Variants in MYO15B observed in about 807,000 individuals in gnomAD.
MYO15B encodes myosin XVB.
In MYO15B, 207 loss-of-function variants were observed where a neutral mutation model predicts 119.3. The ratio of observed to expected loss-of-function variants is 1.73; its 90% CI spans 1.55 to 1.95. The LOEUF (loss-of-function observed/expected upper bound fraction) is 1.95. Among genes scored for constraint, MYO15B ranks in the 30% most tolerant of loss-of-function variants. The probability of loss-of-function intolerance (pLI) is 0.00; values close to 1 mark genes in which losing one functional copy is unlikely to be tolerated. For missense variants in MYO15B, 2,264 were observed against 1,203.1 expected (o/e 1.88, Z -13.04); for synonymous variants, 966 against 498.9 (o/e 1.94, Z -12.48).
chr17:75,597,529 C>T (rs1441800284), intron 14 of MYO15B, among the ~76,000 whole-genome samples: 2 of 152,246 alleles, frequency 1.3e-5, no homozygotes, highest in African/African-American at 4.8e-5. Context: ...GAATGAATAA[C>T]TGTGCCAGGA....
intron 28 of MYO15B, 24 bp downstream of exon 28, chr17:75,613,495 C>A (rs992441624): frequency 9.0e-6 from 6 of 666,342 alleles, no homozygotes; most frequent in Non-Finnish European, 1.6e-5. Flanking sequence ...CTGGCTGAGG[C>A]CTCCCAGGCC....
chr17:75,600,315 C>A (rs2057175314), intron 14 of MYO15B, among the ~76,000 whole-genome samples: 1 of 151,926 alleles, frequency 6.6e-6, no homozygotes, highest in African/African-American at 2.4e-5. Flanking sequence ...GCGTGAGCCA[C>A]CGCGTCCGGC....
At position 75,620,372 on chromosome 17, in the gene MYO15B, C is replaced by T. The variant is rs750094129; in HGVS notation, c.7555+15C>T. 5.3e-5 allele frequency: 37 copies of T among 702,710 alleles called. No individual in the cohort carries two copies. Among genetic ancestry groups the T allele is most frequent in the Non-Finnish European group, 3.6e-5 (14 of 384,990 alleles). The allele number at this position is 702,710 out of a possible 1,614,324, so 43.5% of individuals were successfully genotyped here. A position where few individuals can be genotyped will look rare whatever the true frequency, so the allele number is the denominator to read the frequency against. On this transcript the variant is annotated intron_variant, in intron 48 of 63. Coordinates refer to ENST00000645453, the Ensembl canonical transcript of MYO15B. The stretch of plus-strand genomic sequence containing the variant: ...CCTGGAGCCAGGTATCGCCAGAGGC[C>T]GGCAGGGGCTCACACAGGGAGGGCA...
At chr17:75,612,999 C>T (rs2058123763) in exon 27 of MYO15B, 1 of 693,540 alleles carries the variant, frequency 1.4e-6, no homozygotes, top group East Asian at 2.7e-5. Flanking sequence ...GGGGACGGAT[C>T]CCTGGAGTCC....
intron 41 of MYO15B, 89 bp from the exon 42 acceptor site, chr17:75,617,721 C>T (rs1244794767): frequency 8.0e-6 from 5 of 625,654 alleles, no homozygotes; most frequent in South Asian, 5.4e-5. Flanking sequence ...TTGGAAGGCT[C>T]GTGGGGATGA....
chr17:75,620,777 C>T (rs2058663445), intron 49 of MYO15B, 141 bp downstream of exon 49: 1 of 701,366 alleles, frequency 1.4e-6, no homozygotes, highest in Admixed American at 2.0e-5. Context: ...CTGCCCGCTC[C>T]TGATGGCTCG....
exon 64 of MYO15B, chr17:75,626,703 G>C: frequency 1.7e-6 from 1 of 577,864 alleles, no homozygotes; most frequent in South Asian, 2.1e-5. Context: ...GGCCAAAGCG[G>C]GCTGCAGGAA....
chr17:75,614,871 A>C (rs1484452056), intron 32 of MYO15B, 22 bp downstream of exon 32: 8 of 702,738 alleles, frequency 1.1e-5, no homozygotes, highest in Non-Finnish European at 2.1e-5. Context: ...ACAGCCCCCA[A>C]ATGCCCCTGC....
At chr17:75,621,644 C>T in intron 52 of MYO15B, 74 bp downstream of exon 52, 2 of 673,166 alleles carry the variant, frequency 3.0e-6, no homozygotes, top group East Asian at 2.7e-5. Flanking sequence ...CCCTTATCTC[C>T]TTGAGCTCTG....
At chr17:75,606,157 G>A (rs2057633743) in intron 21 of MYO15B, 136 bp downstream of exon 21, 2 of 578,212 alleles carry the variant, frequency 3.5e-6, no homozygotes, top group Admixed American at 5.9e-5. Context: ...TCATCGGCAT[G>A]TGACTCTCCT....
exon 10 of MYO15B, chr17:75,594,511 G>T (rs1202103098): frequency 4.9e-6 from 3 of 615,866 alleles, no homozygotes; most frequent in African/African-American, 3.7e-5. Context: ...GTCTAGCTGG[G>T]CTGAGATCCA....
chr17:75,621,788 G>A (rs2058727075), intron 52 of MYO15B: 4 of 604,810 alleles, frequency 6.6e-6, no homozygotes, highest in South Asian at 5.8e-5. Flanking sequence ...CAGTCCATGG[G>A]TCCAGAGGAT....
In MYO15B at chr17:75,616,195, C is replaced by T. The variant is rs557050403; in HGVS notation, c.6109+48C>T. 396 of 572,276 alleles carry T rather than the reference C, an allele frequency of 6.9e-4. 1 individual carries two copies. Among genetic ancestry groups the T allele is most frequent in the Admixed American group, 1.7e-3 (49 of 29,328 alleles). The allele number at this position is 572,276 out of a possible 1,614,324, so 35.4% of individuals were successfully genotyped here. On this transcript the variant is annotated intron_variant, in intron 37 of 63. Coordinates refer to ENST00000645453, the Ensembl canonical transcript of MYO15B. ...GACCGTGCAGAAACATGGCCAGTGC[C>T]CCTGGCCCGGGCCAGGGAGGGTGGG...
chr17:75,618,852 A>G (rs1320388179), intron 43 of MYO15B, among the ~76,000 whole-genome samples: 1 of 152,274 alleles, frequency 6.6e-6, no homozygotes, highest in African/African-American at 2.4e-5. Flanking sequence ...GCCCCGAACA[A>G]TCTTGTATCT....
chr17:75,590,845 G>C, intron 2 of MYO15B, 62 bp from the exon 3 acceptor site: 1 of 281,938 alleles, frequency 3.5e-6, no homozygotes, highest in Non-Finnish European at 6.8e-6. Context: ...TGAGGGGCTG[G>C]GCTCTGTTTG....
intron 12 of MYO15B, among the ~76,000 whole-genome samples, chr17:75,595,289 C>T (rs1467810054): frequency 2.0e-5 from 3 of 152,200 alleles, no homozygotes; most frequent in Admixed American, 1.3e-4. Context: ...CACGTTCATC[C>T]AAGCATGGTC....
chr17:75,618,064 A>G, intron 42 of MYO15B, 62 bp from the exon 43 acceptor site: 1 of 698,680 alleles, frequency 1.4e-6, no homozygotes, highest in Non-Finnish European at 2.6e-6. Context: ...CTGGGAGGGC[A>G]GAGGCTTGCT....
chr17:75,616,830 G>T (rs572989087), intron 39 of MYO15B, 44 bp from the exon 40 acceptor site: 3 of 703,078 alleles, frequency 4.3e-6, no homozygotes, highest in African/African-American at 3.5e-5. Context: ...CGCTCCTCGG[G>T]GAATCACCCT....
rs150919454 is a variant in MYO15B at position 75,614,841 on chromosome 17, G to A, written c.5551G>A (p.Gly1851Ser). The A allele has an allele frequency of 3.6e-4, 253 of 702,800 alleles. 1 individual carries two copies. The highest frequency in any genetic ancestry group is 2.6e-3 in the African/African-American group (147 of 57,386). 43.5% of individuals were successfully genotyped at this position (702,800 alleles called of 1,614,324 possible). ...GATCTTCCAGCCAGTGATATCCTCC[G>A]GCCTCAGCGTGAGTCGGGCACAGCC... The change falls in exon 32 of 64, where the codon GGC (glycine) becomes AGC (serine). Residue 1851 changes from glycine to serine, a missense_variant. Coordinates refer to ENST00000645453, the Ensembl canonical transcript of MYO15B.
Sources: allele counts gnomAD v4.1 joint callset (sites outside exome capture counted in the v4.1 genomes callset), GRCh38; gene constraint gnomAD v4.1.1; transcripts MANE v1.5; gene names NCBI Gene and HGNC (gene_info 2026-07-23, HGNC 2026-07-21).